TMEM131L: variants seen among roughly 807,000 people sequenced by gnomAD.
The protein encoded by TMEM131L is transmembrane 131 like.
Under a neutral mutation model 192.2 loss-of-function variants are expected in TMEM131L, and 54 were observed. The observed-to-expected ratio is 0.28, with a 90% CI of 0.23 to 0.35. The LOEUF is 0.35. Ranked by LOEUF, TMEM131L falls within the 10% of genes least tolerant of loss-of-function variation. The pLI is 1.00. For synonymous variants in TMEM131L, 701 were observed against 704.9 expected, an observed-to-expected ratio of 0.99 and a Z score of 0.09; for missense variants, 1,888 against 1,972.9, an observed-to-expected ratio of 0.96 and a Z score of 0.82.
chr4:153,635,667 G>C, intron 34 of TMEM131L, 96 bp downstream of exon 34: 1 of 1,393,188 alleles, frequency 7.2e-7, no homozygotes, highest in Non-Finnish European at 9.8e-7. Flanking sequence ...TTAGCGTTGG[G>C]TTTGGACCAG....
At chr4:153,530,803 T>G (rs1735842589) in intron 3 of TMEM131L, among the ~76,000 whole-genome samples, 1 of 152,134 alleles carries the variant, frequency 6.6e-6, no homozygotes, top group Non-Finnish European at 1.5e-5. Flanking sequence ...AGTTCCAAGA[T>G]AGCTTCCTGA....
chr4:153,520,593 C>G (rs71620265), intron 3 of TMEM131L, among the ~76,000 whole-genome samples: 1 of 152,206 alleles, frequency 6.6e-6, no homozygotes, highest in African/African-American at 2.4e-5. Flanking sequence ...TGGGAAGGCC[C>G]TAGGTCTCCA....
chr4:153,583,534 T>TA (rs750032237), intron 10 of TMEM131L, 30 bp from the exon 11 acceptor site: 1 of 1,362,940 alleles, frequency 7.3e-7, no homozygotes, highest in Non-Finnish European at 1.0e-6. Flanking sequence ...CAGCTGAGAG[T>TA]AGTCACATGG....
At chr4:153,564,153 G>C (rs751940989) in intron 7 of TMEM131L, among the ~76,000 whole-genome samples, 1 of 151,918 alleles carries the variant, frequency 6.6e-6, no homozygotes, top group African/African-American at 2.4e-5. Context: ...GCTGTGTGTG[G>C]TGATGCATGC....
At chr4:153,475,360 C>T (rs114710629) in intron 3 of TMEM131L, among the ~76,000 whole-genome samples, 3,303 of 152,200 alleles carry the variant, frequency 0.022, 57 homozygotes, top group South Asian at 0.069. Context: ...AGAGAATATA[C>T]GGATAGTGCT....
At chr4:153,621,151 G>C (rs547018933) in intron 27 of TMEM131L, among the ~76,000 whole-genome samples, 18 of 152,170 alleles carry the variant, frequency 1.2e-4, no homozygotes, top group Non-Finnish European at 2.6e-4. Context: ...AAAAGCATAA[G>C]CCATCCCTCC....
At chr4:153,507,270 AG>A (rs1734054916) in intron 3 of TMEM131L, among the ~76,000 whole-genome samples, 1 of 151,988 alleles carries the variant, frequency 6.6e-6, no homozygotes, top group African/African-American at 2.4e-5. Flanking sequence ...TGTCCTTTGG[AG>A]GGTGTGTTTT....
Position 153,489,778 on chromosome 4 carries a change from A to AT in TMEM131L, c.239+15902dup, listed in dbSNP as rs879823028. Among the ~76,000 whole-genome samples the AT allele has an allele frequency of 8.2e-4, 121 of 146,938 alleles. No homozygotes were observed. The Middle Eastern group carries it at 0.01, about 13-fold the overall frequency. ...GGTGTGAGCCACTGCGCCTGGCCCA[A>AT]TTTTTTTTTTTTCTTGCGGAAAATA... On this transcript the variant is annotated intron_variant, in intron 3 of 34. Coordinates refer to ENST00000409959, the MANE Select transcript of TMEM131L (RefSeq NM_001131007.2).
At chr4:153,549,979 G>A in intron 3 of TMEM131L, 94 bp from the exon 4 acceptor site, 2 of 522,654 alleles carry the variant, frequency 3.8e-6, no homozygotes, top group South Asian at 6.9e-5. Flanking sequence ...AAAATTATAT[G>A]TCATGCATTG....
chr4:153,609,045 A>T (rs1198646656), intron 25 of TMEM131L, among the ~76,000 whole-genome samples: 1 of 152,018 alleles, frequency 6.6e-6, no homozygotes, highest in East Asian at 1.9e-4. Flanking sequence ...ACTGTGGTAC[A>T]CTCTTACTCA....
In TMEM131L at chr4:153,576,540, G is replaced by A. The variant is rs528328542; in HGVS notation, c.661-4286G>A. Among the ~76,000 whole-genome samples the A allele has an allele frequency of 5.9e-5, 9 of 152,226 alleles. No individual in the cohort carries two copies. The South Asian group carries it at 1.0e-3, about 18-fold the overall frequency. ...TCATAGCAAATTACTCTGCGAAATAGGGTTGTTAATTGTGTCAAAAACTGT... is the reference window on the plus strand; with the variant it reads ...TCATAGCAAATTACTCTGCGAAATAAGGTTGTTAATTGTGTCAAAAACTGT... On this transcript the variant is annotated intron_variant, in intron 7 of 34. Transcript: ENST00000409959.
chr4:153,623,991 T>A (rs1349943978), intron 29 of TMEM131L, among the ~76,000 whole-genome samples: 1 of 152,154 alleles, frequency 6.6e-6, no homozygotes, highest in Non-Finnish European at 1.5e-5. Flanking sequence ...TTTTAGTCCA[T>A]TTTAAATTTT....
chr4:153,624,062 C>T (rs765563779), intron 29 of TMEM131L, among the ~76,000 whole-genome samples: 14 of 151,342 alleles, frequency 9.3e-5, no homozygotes, highest in Non-Finnish European at 1.0e-4. Context: ...TAAATGAAAT[C>T]ATACTTCAGT....
At chr4:153,575,514 C>T (rs188624169) in intron 7 of TMEM131L, among the ~76,000 whole-genome samples, 59 of 152,148 alleles carry the variant, frequency 3.9e-4, no homozygotes, top group Admixed American at 3.7e-3. Flanking sequence ...AGTTGAAAAA[C>T]CTGATTTTTT....
intron 2 of TMEM131L, 63 bp downstream of exon 2, chr4:153,467,344 C>G: frequency 2.2e-6 from 3 of 1,361,706 alleles, no homozygotes; most frequent in Non-Finnish European, 3.1e-6. Context: ...GGGGAGGCCC[C>G]CGGTCCTCCC....
intron 3 of TMEM131L, among the ~76,000 whole-genome samples, chr4:153,531,748 A>C (rs111659002): frequency 6.6e-6 from 1 of 152,370 alleles, no homozygotes; most frequent in African/African-American, 2.4e-5. Flanking sequence ...CCTCCTAAGA[A>C]GAGAGGTCAA....
chr4:153,631,798 T>C (rs1734229830), intron 31 of TMEM131L, among the ~76,000 whole-genome samples: 1 of 152,198 alleles, frequency 6.6e-6, no homozygotes, highest in Non-Finnish European at 1.5e-5. Flanking sequence ...ATCCGCTCTC[T>C]ATAGCCTCAT....
At chr4:153,631,676 T>G (rs995478807) in intron 31 of TMEM131L, among the ~76,000 whole-genome samples, 5 of 152,184 alleles carry the variant, frequency 3.3e-5, no homozygotes, top group African/African-American at 1.2e-4. Context: ...ATGGGAGAGA[T>G]CCCTAGAGAC....
intron 3 of TMEM131L, among the ~76,000 whole-genome samples, chr4:153,523,910 C>T (rs1019932460): frequency 1.3e-5 from 2 of 152,200 alleles, no homozygotes; most frequent in African/African-American, 2.4e-5. Flanking sequence ...GAGGAGGCCT[C>T]AGCCTTCCAT....
Sources: allele counts gnomAD v4.1 joint callset (sites outside exome capture counted in the v4.1 genomes callset), GRCh38; gene constraint gnomAD v4.1.1; transcripts MANE v1.5; gene names NCBI Gene and HGNC (gene_info 2026-07-23, HGNC 2026-07-21).